Variants in JAKMIP2 observed in about 807,000 individuals in gnomAD.
JAKMIP2 encodes janus kinase and microtubule-interacting protein 2.
JAKMIP2 carries 25 observed loss-of-function variants against 115.0 expected under a neutral mutation model. The ratio of observed to expected loss-of-function variants is 0.22; its 90% CI spans 0.16 to 0.30. The LOEUF (loss-of-function observed/expected upper bound fraction) is 0.30. JAKMIP2 is among the 10% of genes least tolerant of loss of function. JAKMIP2 has a pLI of 1.00. For missense variants in JAKMIP2, 642 were observed against 957.6 expected (o/e 0.67, Z 4.35); for synonymous variants, 334 against 343.6 (o/e 0.97, Z 0.31).
chr5:147,705,020 G>A (rs552755426), intron 1 of JAKMIP2, among the ~76,000 whole-genome samples: 1 of 152,266 alleles, frequency 6.6e-6, no homozygotes, highest in Non-Finnish European at 1.5e-5. Context: ...CTCATCAGAT[G>A]CCACATTCAG....
At chr5:147,611,975 A>G (rs537013737) in intron 20 of JAKMIP2, among the ~76,000 whole-genome samples, 1 of 152,286 alleles carries the variant, frequency 6.6e-6, no homozygotes, top group South Asian at 2.1e-4. Context: ...GTGCTAAAAG[A>G]TTTTTTTAAA....
chr5:147,745,584 T>G (rs1338981201), intron 1 of JAKMIP2, among the ~76,000 whole-genome samples: 1 of 152,172 alleles, frequency 6.6e-6, no homozygotes, highest in Non-Finnish European at 1.5e-5. Flanking sequence ...TTATGGCCTT[T>G]TGTACTCTCC....
chr5:147,694,250 C>T (rs1276766138), intron 1 of JAKMIP2, among the ~76,000 whole-genome samples: 1 of 152,040 alleles, frequency 6.6e-6, no homozygotes, highest in Non-Finnish European at 1.5e-5. Flanking sequence ...TTTAATGATC[C>T]ATTTTGGCTA....
chr5:147,771,468 T>C (rs913730386), intron 1 of JAKMIP2, among the ~76,000 whole-genome samples: 5 of 152,094 alleles, frequency 3.3e-5, no homozygotes, highest in Non-Finnish European at 7.4e-5. Flanking sequence ...AAGAAACCCT[T>C]AGATATATTT....
chr5:147,709,959 T>C (rs1369347418), intron 1 of JAKMIP2, among the ~76,000 whole-genome samples: 2 of 152,348 alleles, frequency 1.3e-5, no homozygotes, highest in East Asian at 3.9e-4. Flanking sequence ...TATTTATCAA[T>C]GTGCATGCCT....
chr5:147,595,997 A>G (rs1755369228), intron 21 of JAKMIP2, among the ~76,000 whole-genome samples: 1 of 152,192 alleles, frequency 6.6e-6, no homozygotes, highest in Non-Finnish European at 1.5e-5. Flanking sequence ...TGAGATCCGA[A>G]GGATAGGTGA....
At chr5:147,635,541 C>CATA (rs1313831332) in intron 12 of JAKMIP2, among the ~76,000 whole-genome samples, 1 of 152,034 alleles carries the variant, frequency 6.6e-6, no homozygotes, top group Admixed American at 6.6e-5. Flanking sequence ...AAGTTCTATT[C>CATA]ATAGAGGTTT....
At chr5:147,768,782 G>A (rs1755242774) in intron 1 of JAKMIP2, among the ~76,000 whole-genome samples, 1 of 152,106 alleles carries the variant, frequency 6.6e-6, no homozygotes, top group East Asian at 1.9e-4. Flanking sequence ...ATATCTTTAT[G>A]GCAAATGTTA....
intron 3 of JAKMIP2, among the ~76,000 whole-genome samples, chr5:147,655,435 G>A (rs1338061580): frequency 1.3e-5 from 2 of 152,176 alleles, no homozygotes; most frequent in South Asian, 2.1e-4. Flanking sequence ...TTGGGAGGGT[G>A]TAAGTGTCCA....
chr5:147,682,050 A>AAAAAAAAAAAG (rs71001451), intron 1 of JAKMIP2, among the ~76,000 whole-genome samples: 2 of 148,936 alleles, frequency 1.3e-5, no homozygotes, highest in African/African-American at 5.0e-5. Context: ...AAAAAAAAAA[A>AAAAAAAAAAAG]AAAGAAAGAA....
chr5:147,720,208 C>T (rs1012514116), intron 1 of JAKMIP2, among the ~76,000 whole-genome samples: 23 of 152,146 alleles, frequency 1.5e-4, no homozygotes, highest in South Asian at 6.2e-4. Context: ...GGGTTTCTGC[C>T]GATAAATCTG....
At chr5:147,738,282 T>C (rs1754001798) in intron 1 of JAKMIP2, among the ~76,000 whole-genome samples, 1 of 152,294 alleles carries the variant, frequency 6.6e-6, no homozygotes, top group Non-Finnish European at 1.5e-5. Flanking sequence ...GAGCCCCATA[T>C]AAACTCCACA....
intron 21 of JAKMIP2, among the ~76,000 whole-genome samples, chr5:147,592,535 A>G (rs1054235928): frequency 1.1e-4 from 16 of 152,280 alleles, no homozygotes; most frequent in Non-Finnish European, 2.1e-4. Context: ...CTGTCTTCCA[A>G]TGAAAGCCAG....
intron 16 of JAKMIP2, among the ~76,000 whole-genome samples, chr5:147,624,908 C>T (rs1402957927): frequency 5.9e-5 from 9 of 152,148 alleles, no homozygotes. Context: ...AAGTAAAAAA[C>T]ATGAGGCAGT....
intron 2 of JAKMIP2, among the ~76,000 whole-genome samples, chr5:147,662,414 A>G (rs1239675025): frequency 6.6e-6 from 1 of 152,158 alleles, no homozygotes; most frequent in Non-Finnish European, 1.5e-5. Context: ...GTTTAAAACT[A>G]TTCTATGTTT....
At chr5:147,623,790 G>GTCTTCTTCCTGA in intron 16 of JAKMIP2, 101 bp from the exon 17 acceptor site, 1 of 675,532 alleles carries the variant, frequency 1.5e-6, no homozygotes, top group Non-Finnish European at 2.6e-6. Flanking sequence ...TTATATCTCA[G>GTCTTCTTCCTGA]GAAGAAGACT....
intron 21 of JAKMIP2, chr5:147,595,329 G>A (rs890170844): frequency 4.9e-6 from 2 of 406,218 alleles, no homozygotes; most frequent in East Asian, 7.2e-5. Context: ...TAGGCCATGA[G>A]TGCAGAATGG....
At chr5:147,660,816 G>A (rs1370648369) in intron 3 of JAKMIP2, 132 bp downstream of exon 3, 2 of 975,878 alleles carry the variant, frequency 2.0e-6, no homozygotes, top group Non-Finnish European at 1.5e-6. Context: ...ATCTTGGATA[G>A]AGCACTGGAC....
intron 2 of JAKMIP2, among the ~76,000 whole-genome samples, chr5:147,665,843 G>A (rs1244767154): frequency 1.3e-5 from 2 of 152,144 alleles, no homozygotes; most frequent in Non-Finnish European, 2.9e-5. Context: ...TTCTCTGGAG[G>A]TGCATCAAAT....
Sources: gnomAD v4.1 joint callset for allele counts (sites outside exome capture counted in the v4.1 genomes callset) on GRCh38, gnomAD v4.1.1 for gene constraint, MANE v1.5 for transcripts, NCBI Gene and HGNC (gene_info 2026-07-23, HGNC 2026-07-21) for gene names.